Variants in RAB10 observed in about 807,000 individuals in gnomAD.
RAB10 encodes RAB10, member RAS oncogene family.
A neutral mutation model predicts 25.7 loss-of-function variants in RAB10; 5 were observed. The ratio of observed to expected loss-of-function variants is 0.19; its 90% confidence interval spans 0.10 to 0.41. The LOEUF (loss-of-function observed/expected upper bound fraction) is 0.41. Among genes scored for constraint, RAB10 ranks in the 10% least tolerant of loss-of-function variants. RAB10 has a pLI of 1.00. For synonymous variants in RAB10, 89 were observed against 86.4 expected (o/e 1.03, Z -0.16); for missense variants, 103 against 245.8 (o/e 0.42, Z 3.89).
In RAB10 at chr2:26,082,275, T is replaced by A. The variant is rs529973146; in HGVS notation, c.128-16387T>A. Among the ~76,000 whole-genome samples the A allele has an allele frequency of 4.7e-4, 71 of 152,206 alleles. 2 individuals carry two copies. In the South Asian group the frequency reaches 0.013, roughly 27 times the overall value. On this transcript the variant is annotated intron_variant, in intron 1 of 5. Coordinates refer to ENST00000264710, the MANE Select transcript of RAB10 (RefSeq NM_016131.5). Reference sequence around the variant, plus strand: ...ATAATACCATTTGGAGGTAGATGGTTCTAGTTACGATGTTTATTATGAGCC... The same window carrying A: ...ATAATACCATTTGGAGGTAGATGGTACTAGTTACGATGTTTATTATGAGCC...
intron 1 of RAB10, among the ~76,000 whole-genome samples, chr2:26,070,851 C>A (rs981252617): frequency 2.6e-5 from 4 of 152,108 alleles, no homozygotes; most frequent in Non-Finnish European, 5.9e-5. Context: ...ACATGTGGAT[C>A]CCCACTGACC....
At position 26,038,472 on chromosome 2, in the gene RAB10, A is replaced by C. The variant is rs551343941; in HGVS notation, c.127+3737A>C. ...CAGCCTCCCAAACTGCTGGGATTAC[A>C]GGCATGAGCCACTGCGCCCAGCCTA... On this transcript the variant is annotated intron_variant, in intron 1 of 5. Transcript: ENST00000264710. Among the ~76,000 whole-genome samples the C allele has an allele frequency of 4.3e-4, 65 of 152,210 alleles. 2 individuals carry two copies. In the South Asian group the frequency reaches 0.013, roughly 30 times the overall value.
intron 2 of RAB10, among the ~76,000 whole-genome samples, chr2:26,099,545 T>A (rs959039196): frequency 6.6e-5 from 9 of 135,444 alleles, no homozygotes; most frequent in Non-Finnish European, 1.1e-4. Context: ...TTTTTTTTTT[T>A]TTTTTTTTTT....
chr2:26,116,001 A>G (rs1451845527), intron 3 of RAB10, among the ~76,000 whole-genome samples: 2 of 151,882 alleles, frequency 1.3e-5, no homozygotes, highest in Admixed American at 1.3e-4. Context: ...CTGGGACTAC[A>G]GGTGCATGCT....
chr2:26,132,810 T>TA (rs1255416039), intron 5 of RAB10, among the ~76,000 whole-genome samples: 1 of 136,234 alleles, frequency 7.3e-6, no homozygotes, highest in African/African-American at 2.7e-5. Context: ...AGTTAAATTC[T>TA]AAAAAGATAA....
At chr2:26,059,504 C>T (rs1175825740) in intron 1 of RAB10, among the ~76,000 whole-genome samples, 1 of 152,088 alleles carries the variant, frequency 6.6e-6, no homozygotes, top group African/African-American at 2.4e-5. Flanking sequence ...TTGAGAAGCA[C>T]ATGGTAAGTA....
At chr2:26,072,530 G>A (rs1050159763) in intron 1 of RAB10, among the ~76,000 whole-genome samples, 1 of 152,014 alleles carries the variant, frequency 6.6e-6, no homozygotes, top group Non-Finnish European at 1.5e-5. Context: ...CTTGTTCCTT[G>A]TGACTCATGC....
intron 1 of RAB10, among the ~76,000 whole-genome samples, chr2:26,094,622 G>A (rs1363022725): frequency 2.6e-5 from 4 of 151,738 alleles, no homozygotes; most frequent in South Asian, 2.1e-4. Context: ...GCAGTGGTGC[G>A]ATCTTGGCTC....
In RAB10 at chr2:26,136,053, T is replaced by C. The variant is rs1332250243; in HGVS notation, c.*1032T>C. The C allele has an allele frequency of 6.6e-6, 1 of 152,668 alleles. No individual in the cohort carries two copies. The highest frequency in any genetic ancestry group is 1.5e-5 in the Non-Finnish European group (1 of 68,066). The allele number at this position is 152,668 out of a possible 1,614,324, so 9.5% of individuals were successfully genotyped here. On this transcript the variant is annotated 3_prime_UTR_variant, in exon 6 of 6. Coordinates refer to ENST00000264710, the MANE Select transcript of RAB10 (RefSeq NM_016131.5). ...CTATGTTCTGCTTTTCCTCCTCTCT[T>C]TGTTCCCTTCCTGTCTATCCATTGA...
In RAB10 at chr2:26,135,160, G is replaced by T; in HGVS notation, c.*139G>T. ...ACTATCCAAGCCACCTATTTTATTT[G>T]TTCTTTCATCTGTGACTGCTTGCTG... On this transcript the variant is annotated 3_prime_UTR_variant, in exon 6 of 6. Transcript: ENST00000264710. 5.0e-6 allele frequency: 3 copies of T among 596,712 alleles called. No homozygotes were observed. Among genetic ancestry groups the T allele is most frequent in the East Asian group, 3.2e-5 (1 of 31,108 alleles). The allele number at this position is 596,712 out of a possible 1,614,324, so 37.0% of individuals were successfully genotyped here. A position where few individuals can be genotyped will look rare whatever the true frequency, so the allele number is the denominator to read the frequency against.
intron 3 of RAB10, among the ~76,000 whole-genome samples, chr2:26,110,879 T>C (rs1667555578): frequency 6.6e-6 from 1 of 151,690 alleles, no homozygotes; most frequent in African/African-American, 2.4e-5. Context: ...CTAATTTTTG[T>C]ATTTGTAGTA....
chr2:26,116,329 T>G (rs376163433), intron 3 of RAB10, among the ~76,000 whole-genome samples: 25 of 152,108 alleles, frequency 1.6e-4, no homozygotes, highest in African/African-American at 5.8e-4. Context: ...ACAGGTCCAC[T>G]TAATATACAT....
chr2:26,064,506 ATTTT>A (rs1256809412), intron 1 of RAB10, among the ~76,000 whole-genome samples: 1 of 150,174 alleles, frequency 6.7e-6, no homozygotes, highest in Admixed American at 6.6e-5. Context: ...GGAAAAAAAA[ATTTT>A]TTTTTTCATT....
chr2:26,077,866 G>T (rs1438096081), intron 1 of RAB10, among the ~76,000 whole-genome samples: 1 of 151,950 alleles, frequency 6.6e-6, no homozygotes, highest in African/African-American at 2.4e-5. Context: ...GTAATCCCAG[G>T]TACTCAGGAG....
chr2:26,127,737 T>TA, intron 4 of RAB10, 113 bp from the exon 5 acceptor site: 1 of 699,874 alleles, frequency 1.4e-6, no homozygotes, highest in South Asian at 1.8e-5. Context: ...CTGTGTTATA[T>TA]ATTCTAGTTG....
At chr2:26,127,024 G>C (rs1667922164) in intron 3 of RAB10, 120 bp from the exon 4 acceptor site, 2 of 715,768 alleles carry the variant, frequency 2.8e-6, no homozygotes, top group East Asian at 5.6e-5. Flanking sequence ...TAGGGTGACT[G>C]CTTTAAAACT....
chr2:26,069,750 G>C (rs978352876), intron 1 of RAB10, among the ~76,000 whole-genome samples: 2 of 148,614 alleles, frequency 1.3e-5, no homozygotes, highest in Non-Finnish European at 3.0e-5. Flanking sequence ...CTGTTGCCCC[G>C]GCTGGAGAGC....
At chr2:26,103,646 GT>G (rs1667389445) in intron 2 of RAB10, among the ~76,000 whole-genome samples, 1 of 152,050 alleles carries the variant, frequency 6.6e-6, no homozygotes, top group South Asian at 2.1e-4. Flanking sequence ...CAATTTAATA[GT>G]TTTTAGTATA....
At position 26,110,867 on chromosome 2, in the gene RAB10, G is replaced by A. The variant is rs1281243270; in HGVS notation, c.327+961G>A. 8.2e-5 allele frequency among the ~76,000 whole-genome samples: 5 copies of A among 60,816 alleles called. 1 individual carries two copies. Among genetic ancestry groups the A allele is most frequent in the Non-Finnish European group, 1.2e-4 (3 of 25,460 alleles). The allele number at this position is 60,816 out of a possible 152,430, so 39.9% of individuals were successfully genotyped here. ...ATTACAGGTGTGCACCACCACACCC[G>A]GCTAATTTTTGTATTTGTAGTAGAG... On this transcript the variant is annotated intron_variant, in intron 3 of 5. Coordinates refer to ENST00000264710, the MANE Select transcript of RAB10 (RefSeq NM_016131.5).
Sources: gnomAD v4.1 joint callset for allele counts (sites outside exome capture counted in the v4.1 genomes callset) on GRCh38, gnomAD v4.1.1 for gene constraint, MANE v1.5 for transcripts, NCBI Gene and HGNC (gene_info 2026-07-23, HGNC 2026-07-21) for gene names.